Variants in HUWE1 observed in about 807,000 individuals in gnomAD.
HUWE1 encodes the protein HECT, UBA and WWE domain containing E3 ubiquitin protein ligase 1, also known as E3 ubiquitin-protein ligase HUWE1.
HUWE1 carries 18 observed loss-of-function variants against 299.4 expected under a neutral mutation model. That is an observed-to-expected ratio of 0.06 (90% CI 0.04 to 0.09). HUWE1 has a LOEUF of 0.09. HUWE1 is among the 10% of genes least tolerant of loss of function. The pLI, the probability that HUWE1 is intolerant of heterozygous loss-of-function variation, is 1.00. For synonymous variants in HUWE1, 1,317 were observed against 1,286.1 expected (o/e 1.02, Z -0.51); for missense variants, 1,832 against 3,462.3 (o/e 0.53, Z 11.82).
At chrX:53,643,760 T>C (rs782178546) in intron 7 of HUWE1, among the ~76,000 whole-genome samples, 1 of 112,526 alleles carries the variant, frequency 8.9e-6, no homozygotes, top group East Asian at 2.8e-4. Context: ...ATAATAATTT[T>C]ACATTATCTC....
chrX:53,565,007 A>G, intron 50 of HUWE1, 60 bp downstream of exon 50: 1 of 1,109,982 alleles, frequency 9.0e-7, no homozygotes, highest in Non-Finnish European at 1.2e-6. Flanking sequence ...AACAGTTGTG[A>G]TCCCAGGCCC....
At chrX:53,686,038 T>C (rs938115503) in intron 2 of HUWE1, among the ~76,000 whole-genome samples, 4 of 112,227 alleles carry the variant, frequency 3.6e-5, no homozygotes, top group Non-Finnish European at 5.6e-5. Flanking sequence ...ACAAGACATA[T>C]TCTCAGATTT....
chrX:53,611,188 T>TAAAAAAAA (rs1204862205), intron 23 of HUWE1, among the ~76,000 whole-genome samples: 1 of 60,821 alleles, frequency 1.6e-5, no homozygotes, highest in African/African-American at 6.5e-5. Flanking sequence ...GCTGATTTTG[T>TAAAAAAAA]AAAAAAAAAA....
intron 6 of HUWE1, among the ~76,000 whole-genome samples, chrX:53,645,736 A>T (rs1467696514): frequency 1.5e-3 from 38 of 26,089 alleles, no homozygotes; most frequent in South Asian, 2.6e-3. Context: ...AAAAAAAAAA[A>T]ATATATATAT....
At chrX:53,670,290 A>C (rs1355488695) in intron 3 of HUWE1, among the ~76,000 whole-genome samples, 2 of 112,070 alleles carry the variant, frequency 1.8e-5, no homozygotes, top group Non-Finnish European at 3.8e-5. Flanking sequence ...TCTACAGATG[A>C]CACCAGATGG....
At chrX:53,601,053 T>C (rs1195508258) in intron 28 of HUWE1, among the ~76,000 whole-genome samples, 1 of 112,146 alleles carries the variant, frequency 8.9e-6, no homozygotes, top group Non-Finnish European at 1.9e-5. Flanking sequence ...TTATTAATGT[T>C]ATCCCATCCC....
At chrX:53,612,794 T>C (rs1367748389) in intron 23 of HUWE1, among the ~76,000 whole-genome samples, 3 of 111,450 alleles carry the variant, frequency 2.7e-5, no homozygotes, top group Non-Finnish European at 5.7e-5. Context: ...GATGTGGGAA[T>C]GGGGATGGCT....
At chrX:53,618,028 CATT>C (rs2065896878) in intron 19 of HUWE1, among the ~76,000 whole-genome samples, 2 of 111,791 alleles carry the variant, frequency 1.8e-5, no homozygotes, top group African/African-American at 3.3e-5. Flanking sequence ...CAGTTTTTGA[CATT>C]ATAATATTTT....
At position 53,559,461 on chromosome X, in the gene HUWE1, C is replaced by T. The variant is rs146149373; in HGVS notation, c.7808G>A (p.Arg2603Gln). 2.5e-6 allele frequency: 3 copies of T among 1,210,912 alleles called. No homozygotes were observed. The highest frequency in any genetic ancestry group is 3.4e-6 in the Non-Finnish European group (3 of 895,102). The change falls in exon 57 of 84, where the codon CGG becomes CAG. Residue 2603 changes from arginine to glutamine, a missense_variant. Arg to Gln is a conservative substitution (Grantham distance 43). This residue lies in a region of HUWE1 where 170 missense variants were observed against 335.8 expected (regional missense o/e 0.51). Coordinates refer to ENST00000262854, the MANE Select transcript of HUWE1 (RefSeq NM_031407.7). ...ATCGTTGCCTACCAGGAGGCGGGCC[C>T]GACCCCGGCTTTGTAGGGGAAGGCT... Reference protein sequence around the residue: ...SSSLPLQSRGRARLLVGNDDV... With the variant: ...SSSLPLQSRGQARLLVGNDDV...
In HUWE1 at chrX:53,532,939, T is replaced by C. The variant is rs1332071037; in HGVS notation, c.*370A>G. On this transcript the variant is annotated 3_prime_UTR_variant, in exon 84 of 84. Transcript: ENST00000262854. ...CAAAAAAATATATATATATATAATT[T>C]TTTCCCCTATCCAAAGGTTTCAAGT... 8.7e-6 allele frequency: 1 copy of C among 115,445 alleles called. No homozygotes were observed. Among genetic ancestry groups the C allele is most frequent in the Non-Finnish European group, 1.8e-5 (1 of 56,237 alleles). 9.5% of individuals were successfully genotyped at this position (115,445 alleles called of 1,213,427 possible). A position where few individuals can be genotyped will look rare whatever the true frequency, so the allele number is the denominator to read the frequency against.
intron 67 of HUWE1, 145 bp from the exon 68 acceptor site, chrX:53,548,418 C>A: frequency 1.4e-6 from 1 of 697,969 alleles, no homozygotes; most frequent in Non-Finnish European, 2.2e-6. Context: ...GAGTTTTATC[C>A]AACAGACAGT....
At chrX:53,582,937 G>A (rs781867129) in intron 42 of HUWE1, among the ~76,000 whole-genome samples, 3 of 111,551 alleles carry the variant, frequency 2.7e-5, no homozygotes, top group South Asian at 7.5e-4. Context: ...GCCTCCCAAA[G>A]TGCTGGGATT....
intron 19 of HUWE1, among the ~76,000 whole-genome samples, chrX:53,619,591 A>G (rs964850268): frequency 1.5e-4 from 4 of 25,913 alleles, no homozygotes; most frequent in East Asian, 1.1e-3. Context: ...GAAATAGAAG[A>G]AAAAAAAAAA....
intron 47 of HUWE1, among the ~76,000 whole-genome samples, chrX:53,570,087 A>C (rs2062750702): frequency 8.9e-6 from 1 of 112,493 alleles, no homozygotes; most frequent in Non-Finnish European, 1.9e-5. Flanking sequence ...ATGTATTTTT[A>C]AAAACATTTT....
chrX:53,578,440 G>A (rs1199067731), intron 43 of HUWE1, among the ~76,000 whole-genome samples: 17 of 93,983 alleles, frequency 1.8e-4, no homozygotes, highest in African/African-American at 6.5e-4. Context: ...TGGGAAGTGA[G>A]GAGCCCCTCT....
intron 19 of HUWE1, among the ~76,000 whole-genome samples, chrX:53,624,352 C>T (rs372951872): frequency 8.9e-6 from 1 of 111,848 alleles, no homozygotes; most frequent in East Asian, 2.8e-4. Context: ...CAAAAATTAG[C>T]CAGGCATGGT....
At chrX:53,631,787 A>G (rs1302302173) in intron 9 of HUWE1, 173 bp from the exon 10 acceptor site, 2 of 446,619 alleles carry the variant, frequency 4.5e-6, no homozygotes, top group East Asian at 7.4e-5. Context: ...CATCCATCTT[A>G]TATGTAGAAT....
intron 61 of HUWE1, 145 bp from the exon 62 acceptor site, chrX:53,553,038 C>G (rs1336085829): frequency 3.2e-6 from 2 of 618,615 alleles, no homozygotes; most frequent in Non-Finnish European, 5.3e-6. Context: ...CTCAATCTCA[C>G]TTTGAGATTT....
chrX:53,681,255 G>A (rs2070123852), intron 2 of HUWE1, among the ~76,000 whole-genome samples: 1 of 109,942 alleles, frequency 9.1e-6, no homozygotes, highest in African/African-American at 3.3e-5. Context: ...CCAACGTGGT[G>A]AAACTCCGTC....
Sources: gnomAD v4.1 joint callset for allele counts (sites outside exome capture counted in the v4.1 genomes callset) on GRCh38, gnomAD v4.1.1 for gene constraint, gnomAD v4.1.1 regional missense constraint, MANE v1.5 for transcripts, NCBI Gene and HGNC (gene_info 2026-07-23, HGNC 2026-07-21) for gene names.